Variants in MTMR8 observed in about 807,000 individuals in gnomAD.
MTMR8 encodes the protein phosphatidylinositol-3,5-bisphosphate 3-phosphatase MTMR8.
A neutral mutation model predicts 39.3 loss-of-function variants in MTMR8; 65 were observed. That is an observed-to-expected ratio of 1.65 (90% CI 1.35 to 2.03). MTMR8 has a LOEUF of 2.03. Ranked by LOEUF, MTMR8 falls within the 30% of genes most tolerant of loss-of-function variation. MTMR8 has a pLI of 0.00. For synonymous variants in MTMR8, 245 were observed against 185.2 expected (o/e 1.32, Z -2.62); for missense variants, 777 against 538.9 (o/e 1.44, Z -4.37).
At chrX:64,309,043 T>C (rs908699438) in intron 12 of MTMR8, among the ~76,000 whole-genome samples, 4 of 112,215 alleles carry the variant, frequency 3.6e-5, no homozygotes, top group Admixed American at 1.9e-4. Flanking sequence ...TCAGGTAGTT[T>C]CAGTTCTCCA....
rs767105028 is a variant in MTMR8 at position 64,372,108 on chromosome X, T to C, written c.25-12581A>G. Among the ~76,000 whole-genome samples, 8 of 108,274 alleles carry C rather than the reference T, an allele frequency of 7.4e-5. No homozygotes were observed. In the Admixed American group the frequency reaches 8.0e-4, roughly 11 times the overall value. 94.0% of individuals were successfully genotyped at this position (108,274 alleles called of 115,157 possible). A position where few individuals can be genotyped will look rare whatever the true frequency, so the allele number is the denominator to read the frequency against. On this transcript the variant is annotated intron_variant, in intron 1 of 13. Transcript: ENST00000374852. ...TTTAGAATGACAGGATTTGGGGTAA[T>C]CCTTAATGTTAAGATTTTTTAAACT... is the stretch of plus-strand genomic sequence containing the variant.
intron 1 of MTMR8, among the ~76,000 whole-genome samples, chrX:64,387,668 G>A (rs1172884149): frequency 9.3e-6 from 1 of 107,183 alleles, no homozygotes; most frequent in Non-Finnish European, 1.9e-5. Context: ...GAATATGTGT[G>A]TGGGGTTGGG....
chrX:64,367,172 C>T (rs915391408), intron 1 of MTMR8, among the ~76,000 whole-genome samples: 1 of 111,473 alleles, frequency 9.0e-6, no homozygotes, highest in African/African-American at 3.3e-5. Context: ...CCGAATTCTA[C>T]CAGAGGTAAA....
At chrX:64,299,927 G>A (rs1921783138) in intron 12 of MTMR8, among the ~76,000 whole-genome samples, 1 of 76,444 alleles carries the variant, frequency 1.3e-5, no homozygotes, top group South Asian at 8.6e-4. Flanking sequence ...TAGTTTGATT[G>A]CACTGTGGTC....
Position 64,328,780 on chromosome X carries a change from G to C in MTMR8, c.1473C>G (p.Tyr491Ter). The C allele has an allele frequency of 8.6e-7, 1 of 1,163,576 alleles. No individual in the cohort carries two copies. Among genetic ancestry groups the C allele is most frequent in the Non-Finnish European group, 1.1e-6 (1 of 875,689 alleles). ...YGVLNPSTVP[Y>*]NIQFWCGMYN... Reference sequence around the variant, plus strand: ...AAAACTTAAGAACTTACTGAATGTTGTAGGGCACAGTACTAGGATTGAGTA... The same window carrying C: ...AAAACTTAAGAACTTACTGAATGTTCTAGGGCACAGTACTAGGATTGAGTA... The change falls in exon 12 of 14, where the codon TAC becomes TAG. Residue 491 changes from tyrosine to a stop codon, truncating the protein, a stop_gained. Transcript: ENST00000374852. LOFTEE classifies it high-confidence loss of function.
At chrX:64,320,731 C>A (rs994900880) in intron 12 of MTMR8, among the ~76,000 whole-genome samples, 2 of 110,953 alleles carry the variant, frequency 1.8e-5, no homozygotes, top group East Asian at 5.7e-4. Context: ...AGGTCAGATA[C>A]ATGCTGAGGG....
chrX:64,285,777 C>A (rs755098648), intron 12 of MTMR8, among the ~76,000 whole-genome samples: 1 of 111,043 alleles, frequency 9.0e-6, no homozygotes. Flanking sequence ...TTGAAACCAA[C>A]GAGAACAAAG....
intron 2 of MTMR8, 152 bp downstream of exon 2, chrX:64,359,253 C>G: frequency 2.1e-6 from 1 of 468,717 alleles, no homozygotes; most frequent in Non-Finnish European, 3.1e-6. Flanking sequence ...TAATACAATT[C>G]AGACCATAAA....
rs1923313075 is a variant in MTMR8, at chrX:64,345,030, G to A, written c.865+15C>T. ...AGCTATGGCCGCTTGCCTAGCCAAG[G>A]TGAAATCCCTGTACCTTCCAAGAGT... On this transcript the variant is annotated intron_variant, in intron 7 of 13. Coordinates refer to ENST00000374852, the MANE Select transcript of MTMR8 (RefSeq NM_017677.4). The A allele has an allele frequency of 8.3e-7, 1 of 1,204,887 alleles. No homozygotes were observed. The highest frequency in any genetic ancestry group is 1.1e-6 in the Non-Finnish European group (1 of 892,070).
intron 12 of MTMR8, among the ~76,000 whole-genome samples, chrX:64,302,130 C>T (rs1381753392): frequency 8.9e-6 from 1 of 112,861 alleles, no homozygotes; most frequent in East Asian, 2.8e-4. Flanking sequence ...TTTACCTGAG[C>T]AAGCCTGGGC....
intron 12 of MTMR8, among the ~76,000 whole-genome samples, chrX:64,296,520 G>T (rs770850595): frequency 3.7e-5 from 4 of 108,241 alleles, no homozygotes; most frequent in Non-Finnish European, 7.6e-5. Context: ...GCCAGAGGAC[G>T]GACTGTTATA....
At chrX:64,349,485 A>C (rs1923428704) in intron 5 of MTMR8, among the ~76,000 whole-genome samples, 1 of 111,098 alleles carries the variant, frequency 9.0e-6, no homozygotes, top group Non-Finnish European at 1.9e-5. Context: ...AGAGGTGATA[A>C]ATATTATCAC....
chrX:64,350,384 T>A (rs1923458247), intron 4 of MTMR8, among the ~76,000 whole-genome samples: 1 of 111,449 alleles, frequency 9.0e-6, no homozygotes, highest in African/African-American at 3.3e-5. Context: ...TTACAGTTAT[T>A]GTTTTTGCTC....
chrX:64,380,125 C>T (rs1319258729), intron 1 of MTMR8, among the ~76,000 whole-genome samples: 1 of 112,256 alleles, frequency 8.9e-6, no homozygotes, highest in Non-Finnish European at 1.9e-5. Context: ...AACCAGGGAA[C>T]TGACTTCACT....
At chrX:64,335,217 C>T (rs1468169697) in intron 10 of MTMR8, among the ~76,000 whole-genome samples, 6 of 110,298 alleles carry the variant, frequency 5.4e-5, no homozygotes, top group African/African-American at 1.7e-4. Context: ...CTGCAACCTC[C>T]GCCTCCCGGG....
At chrX:64,379,271 C>A (rs1304660204) in intron 1 of MTMR8, among the ~76,000 whole-genome samples, 3 of 111,925 alleles carry the variant, frequency 2.7e-5, no homozygotes, top group African/African-American at 9.7e-5. Flanking sequence ...CTTCCTAACT[C>A]ATTCTATAAG....
chrX:64,369,607 C>T (rs1445407443), intron 1 of MTMR8, among the ~76,000 whole-genome samples: 2 of 109,856 alleles, frequency 1.8e-5, no homozygotes, highest in Non-Finnish European at 3.8e-5. Flanking sequence ...CACATGGGGG[C>T]CTATCATGGA....
chrX:64,316,595 C>T (rs1469085797), intron 12 of MTMR8, among the ~76,000 whole-genome samples: 1 of 111,254 alleles, frequency 9.0e-6, no homozygotes, highest in Non-Finnish European at 1.9e-5. Flanking sequence ...CTGCAGTGAG[C>T]CATGATTGCA....
At chrX:64,330,020 A>G (rs1339057466) in intron 11 of MTMR8, among the ~76,000 whole-genome samples, 1 of 111,914 alleles carries the variant, frequency 8.9e-6, no homozygotes, top group Non-Finnish European at 1.9e-5. Context: ...TGAGAGAGCC[A>G]AAGTTTGAAC....
Sources: gnomAD v4.1 joint callset for allele counts (sites outside exome capture counted in the v4.1 genomes callset) on GRCh38, gnomAD v4.1.1 for gene constraint, MANE v1.5 for transcripts, NCBI Gene and HGNC (gene_info 2026-07-23, HGNC 2026-07-21) for gene names.